Variants in PIP4K2B observed in about 807,000 individuals in gnomAD.
PIP4K2B encodes the protein phosphatidylinositol 5-phosphate 4-kinase type-2 beta.
In PIP4K2B, 3 loss-of-function variants were observed where a neutral mutation model predicts 42.0. The observed-to-expected ratio is 0.07, with a 90% CI of 0.03 to 0.18. The LOEUF is 0.18. Ranked by LOEUF, PIP4K2B falls within the 10% of genes least tolerant of loss-of-function variation. The pLI, the probability that PIP4K2B is intolerant of heterozygous loss-of-function variation, is 1.00. For missense variants in PIP4K2B, 332 were observed against 562.3 expected, an observed-to-expected ratio of 0.59 and a Z score of 4.14; for synonymous variants, 204 against 210.1, an observed-to-expected ratio of 0.97 and a Z score of 0.25.
At chr17:38,798,175 C>T (rs2143509452) in intron 1 of PIP4K2B, among the ~76,000 whole-genome samples, 1 of 152,252 alleles carries the variant, frequency 6.6e-6, no homozygotes, top group East Asian at 1.9e-4. Context: ...CACAAGTGAA[C>T]CTAAAGAACT....
intron 1 of PIP4K2B, 21 bp from the exon 2 acceptor site, chr17:38,786,941 A>G: frequency 6.4e-7 from 1 of 1,552,970 alleles, no homozygotes; most frequent in Non-Finnish European, 8.9e-7. Context: ...AGGAGAACGT[A>G]AGGCTCTCAG....
intron 4 of PIP4K2B, 56 bp downstream of exon 4, chr17:38,780,396 T>G (rs1379186174): frequency 6.7e-7 from 1 of 1,501,588 alleles, no homozygotes; most frequent in East Asian, 2.3e-5. Context: ...CCCCCAGGGC[T>G]CTCTTCTCCC....
chr17:38,798,127 T>C (rs955972599), intron 1 of PIP4K2B, among the ~76,000 whole-genome samples: 1 of 152,226 alleles, frequency 6.6e-6, no homozygotes, highest in African/African-American at 2.4e-5. Context: ...GCTGGCCCTC[T>C]TTGTCATCGC....
intron 1 of PIP4K2B, among the ~76,000 whole-genome samples, chr17:38,797,442 A>C (rs1266816950): frequency 6.6e-6 from 1 of 152,170 alleles, no homozygotes; most frequent in Non-Finnish European, 1.5e-5. Context: ...GGGAGAGGAA[A>C]AGAAACAGGA....
rs979155644 is a variant in PIP4K2B at position 38,780,739 on chromosome 17, C to A, written c.355-135G>T. On this transcript the variant is annotated intron_variant, in intron 3 of 9. Coordinates refer to ENST00000619039, the MANE Select transcript of PIP4K2B (RefSeq NM_003559.5). ...AGAGGGACTCCCAGATGGGAGTTTA[C>A]CCTCCCCTTTTCTCACAGGGTGTTC... The A allele has an allele frequency of 3.9e-6, 3 of 759,884 alleles. No individual in the cohort carries two copies. In the Admixed American group the frequency reaches 8.4e-5, roughly 21 times the overall value. 47.1% of individuals were successfully genotyped at this position (759,884 alleles called of 1,614,324 possible). A position where few individuals can be genotyped will look rare whatever the true frequency, so the allele number is the denominator to read the frequency against.
chr17:38,778,582 C>G (rs142050815), intron 5 of PIP4K2B, among the ~76,000 whole-genome samples: 1 of 152,200 alleles, frequency 6.6e-6, no homozygotes, highest in South Asian at 2.1e-4. Context: ...CAGGACTGCA[C>G]TGGAGAAGCT....
chr17:38,777,901 G>GGGTT lies in PIP4K2B; in HGVS notation c.694-105_694-102dup. 3.5e-6 allele frequency: 3 copies of GGGTT among 851,350 alleles called. 1 individual carries two copies. Among genetic ancestry groups the GGGTT allele is most frequent in the Middle Eastern group, 5.3e-4 (2 of 3,784 alleles). 52.7% of individuals were successfully genotyped at this position (851,350 alleles called of 1,614,324 possible). A position where few individuals can be genotyped will look rare whatever the true frequency, so the allele number is the denominator to read the frequency against. ...GCAACTATACAGAAAGGGGAAGGAG[G>GGGTT]GGTTGTCAGTGTACCGACCCTCAAC... On this transcript the variant is annotated intron_variant, in intron 6 of 9. Transcript: ENST00000619039.
At chr17:38,779,770 C>T in intron 4 of PIP4K2B, 1 of 492,420 alleles carries the variant, frequency 2.0e-6, no homozygotes. Context: ...GCTCAGAGCC[C>T]CTGTGGGTTC....
At chr17:38,771,344 G>T (rs1909030440) in intron 7 of PIP4K2B, 72 bp from the exon 8 acceptor site, 1 of 1,533,012 alleles carries the variant, frequency 6.5e-7, no homozygotes, top group African/African-American at 1.4e-5. Context: ...CATCCAGAAA[G>T]GGGGGAAAGG....
At chr17:38,769,955 C>T (rs1161782104) in intron 9 of PIP4K2B, among the ~76,000 whole-genome samples, 184 bp from the exon 10 acceptor site, 1 of 151,962 alleles carries the variant, frequency 6.6e-6, no homozygotes, top group Non-Finnish European at 1.5e-5. Flanking sequence ...ACTGTCCTGG[C>T]CCCACTCCTG....
chr17:38,780,961 T>C (rs1326381586), intron 3 of PIP4K2B, among the ~76,000 whole-genome samples: 1 of 152,116 alleles, frequency 6.6e-6, no homozygotes, highest in East Asian at 1.9e-4. Context: ...ACTATGACCT[T>C]GGGTGAGCCA....
intron 7 of PIP4K2B, among the ~76,000 whole-genome samples, chr17:38,774,167 G>C (rs1034731478): frequency 1.3e-5 from 2 of 152,332 alleles, no homozygotes; most frequent in African/African-American, 2.4e-5. Flanking sequence ...GACTGGGCCT[G>C]AGTGCCCAGA....
intron 7 of PIP4K2B, chr17:38,776,586 A>G (rs1909357327): frequency 4.7e-6 from 2 of 429,048 alleles, no homozygotes; most frequent in South Asian, 3.4e-5. Flanking sequence ...AGATCGTGCC[A>G]CTGCACTGCA....
chr17:38,773,757 G>A (rs1040328230), intron 7 of PIP4K2B, among the ~76,000 whole-genome samples: 12 of 152,150 alleles, frequency 7.9e-5, no homozygotes, highest in Non-Finnish European at 1.5e-4. Context: ...GGGAGGGAGG[G>A]ATGCCACTCT....
intron 7 of PIP4K2B, among the ~76,000 whole-genome samples, chr17:38,775,088 T>G (rs1167512523): frequency 6.6e-6 from 1 of 151,856 alleles, no homozygotes; most frequent in East Asian, 2.0e-4. Flanking sequence ...TAGCTGGGAC[T>G]ACAGGCGCCC....
At chr17:38,776,101 G>A (rs1031895888) in intron 7 of PIP4K2B, 5 of 429,258 alleles carry the variant, frequency 1.2e-5, no homozygotes, top group African/African-American at 1.0e-4. Context: ...CTCCCAAGTA[G>A]CTGGGATTAC....
intron 3 of PIP4K2B, among the ~76,000 whole-genome samples, chr17:38,781,970 G>T (rs228298): frequency 0.63 from 95,056 of 151,988 alleles, 32,747 homozygotes; most frequent in Admixed American, 0.78. Flanking sequence ...GCACCACCAT[G>T]CCCGGCTGAT....
intron 7 of PIP4K2B, among the ~76,000 whole-genome samples, chr17:38,774,534 C>T (rs1046246091): frequency 2.0e-5 from 3 of 151,956 alleles, no homozygotes; most frequent in Non-Finnish European, 2.9e-5. Context: ...TTTGGGAGGC[C>T]GAGGCAGGCA....
intron 7 of PIP4K2B, among the ~76,000 whole-genome samples, chr17:38,774,375 G>T (rs1197596448): frequency 6.6e-6 from 1 of 152,152 alleles, no homozygotes; most frequent in East Asian, 1.9e-4. Context: ...TGGCCTGATG[G>T]CCTGTAGAAT....
Sources: gnomAD v4.1 joint callset for allele counts (sites outside exome capture counted in the v4.1 genomes callset) on GRCh38, gnomAD v4.1.1 for gene constraint, MANE v1.5 for transcripts, NCBI Gene and HGNC (gene_info 2026-07-23, HGNC 2026-07-21) for gene names.